Variants in DNM3 observed in about 807,000 individuals in gnomAD.
DNM3 encodes dynamin 3.
DNM3 carries 47 observed loss-of-function variants against 101.6 expected under a neutral mutation model. That is an observed-to-expected ratio of 0.46 (90% confidence interval 0.37 to 0.59). The LOEUF (loss-of-function observed/expected upper bound fraction) is 0.59. Ranked by LOEUF, DNM3 falls within the 20% of genes least tolerant of loss-of-function variation. The pLI is 0.00. For missense variants in DNM3, 849 were observed against 1,085.7 expected, an observed-to-expected ratio of 0.78 and a Z score of 3.06; for synonymous variants, 385 against 387.9, an observed-to-expected ratio of 0.99 and a Z score of 0.09.
At chr1:172,190,011 CTTTT>C (rs61413095) in intron 14 of DNM3, among the ~76,000 whole-genome samples, 1 of 134,438 alleles carries the variant, frequency 7.4e-6, no homozygotes, top group African/African-American at 2.8e-5. Flanking sequence ...AATCACATTT[CTTTT>C]TTTTTTTTTT....
At chr1:172,018,492 G>T (rs935036225) in intron 4 of DNM3, among the ~76,000 whole-genome samples, 1 of 151,984 alleles carries the variant, frequency 6.6e-6, no homozygotes, top group African/African-American at 2.4e-5. Context: ...ACAATTTTTT[G>T]ACTTTATGAT....
At chr1:172,256,370 T>G (rs890942916) in intron 15 of DNM3, among the ~76,000 whole-genome samples, 1 of 152,064 alleles carries the variant, frequency 6.6e-6, no homozygotes, top group Non-Finnish European at 1.5e-5. Flanking sequence ...AACTAGTGAT[T>G]GAATATATTT....
At chr1:171,854,757 G>A (rs377576692) in intron 1 of DNM3, among the ~76,000 whole-genome samples, 3 of 141,248 alleles carry the variant, frequency 2.1e-5, no homozygotes, top group African/African-American at 8.0e-5. Context: ...TTTTTTTTTT[G>A]TGGAGACGGG....
intron 13 of DNM3, among the ~76,000 whole-genome samples, chr1:172,113,502 C>A (rs1182890076): frequency 1.3e-5 from 2 of 151,770 alleles, no homozygotes; most frequent in Non-Finnish European, 2.9e-5. Flanking sequence ...TGCCTGTAAT[C>A]CCAGCTACTT....
At chr1:171,866,730 T>C (rs1005578169) in intron 1 of DNM3, among the ~76,000 whole-genome samples, 1 of 152,204 alleles carries the variant, frequency 6.6e-6, no homozygotes, top group African/African-American at 2.4e-5. Flanking sequence ...ATAGAATGTG[T>C]GTATGTTTTA....
At chr1:172,032,013 ATTTG>A (rs748894471) in intron 4 of DNM3, among the ~76,000 whole-genome samples, 1 of 152,122 alleles carries the variant, frequency 6.6e-6, no homozygotes, top group Non-Finnish European at 1.5e-5. Flanking sequence ...TAACCTATTT[ATTTG>A]TTTATTTGCT....
At chr1:171,922,154 T>TGTGTGTGTGC (rs892285004) in intron 2 of DNM3, among the ~76,000 whole-genome samples, 1 of 68,774 alleles carries the variant, frequency 1.5e-5, no homozygotes, top group African/African-American at 6.0e-5. Context: ...TGTGTGTGTG[T>TGTGTGTGTGC]GCGTATGTGT....
At chr1:171,986,549 C>A (rs2045270416) in intron 2 of DNM3, among the ~76,000 whole-genome samples, 1 of 151,986 alleles carries the variant, frequency 6.6e-6, no homozygotes, top group Non-Finnish European at 1.5e-5. Flanking sequence ...TTGCTATTGA[C>A]CTTGCCATTT....
rs2037337312 is a variant in DNM3 at position 171,892,119 on chromosome 1, C to T, written c.162-29629C>T. Reference sequence around the variant, plus strand: ...TTTGCTCAAACTGTTCCCGTGGGAGCTCTTTCAGTTGGTTCTATGTCCGTT... The same window carrying T: ...TTTGCTCAAACTGTTCCCGTGGGAGTTCTTTCAGTTGGTTCTATGTCCGTT... On this transcript the variant is annotated intron_variant, in intron 1 of 20. Coordinates refer to ENST00000627582, the MANE Select transcript of DNM3 (RefSeq NM_015569.5). Among the ~76,000 whole-genome samples, 6 of 152,186 alleles carry T rather than the reference C, an allele frequency of 3.9e-5. No individual in the cohort carries two copies. In the South Asian group the frequency reaches 1.2e-3, roughly 32 times the overall value.
At chr1:171,913,069 G>A (rs1173653236) in intron 1 of DNM3, among the ~76,000 whole-genome samples, 1 of 152,170 alleles carries the variant, frequency 6.6e-6, no homozygotes, top group Non-Finnish European at 1.5e-5. Context: ...CATGTTTCCT[G>A]GTGGGGAGAA....
chr1:172,097,929 G>C (rs2054357068), intron 13 of DNM3, among the ~76,000 whole-genome samples: 1 of 141,632 alleles, frequency 7.1e-6, no homozygotes, highest in Non-Finnish European at 1.5e-5. Context: ...ATTTTCAAAA[G>C]GGAGGGAGTG....
At chr1:171,872,859 A>G (rs2035424803) in intron 1 of DNM3, among the ~76,000 whole-genome samples, 1 of 152,204 alleles carries the variant, frequency 6.6e-6, no homozygotes, top group African/African-American at 2.4e-5. Context: ...AGAGCAAGAT[A>G]ACAGGTGAAA....
chr1:172,312,760 C>T (rs1230559149), intron 16 of DNM3, among the ~76,000 whole-genome samples: 1 of 152,118 alleles, frequency 6.6e-6, no homozygotes, highest in Non-Finnish European at 1.5e-5. Flanking sequence ...AATAGGAATG[C>T]TAAGCCTAGT....
Position 172,330,982 on chromosome 1 carries a change from G to A in DNM3, c.1893+7642G>A, listed in dbSNP as rs12041310. On this transcript the variant is annotated intron_variant, in intron 17 of 20. Coordinates refer to ENST00000627582, the MANE Select transcript of DNM3 (RefSeq NM_015569.5). The stretch of plus-strand genomic sequence containing the variant: ...ATACAGATTTTGTTACCTCTTTTCC[G>A]TTTACTCTGCCTGTGCAAATATGTT... Among the ~76,000 whole-genome samples the A allele has an allele frequency of 2.0e-3, 298 of 152,118 alleles. 2 individuals are homozygous for A. The highest frequency in any genetic ancestry group is 0.01 in the East Asian group (53 of 5,180).
intron 17 of DNM3, among the ~76,000 whole-genome samples, chr1:172,332,463 C>T (rs1209421014): frequency 2.6e-5 from 4 of 152,118 alleles, no homozygotes; most frequent in African/African-American, 9.7e-5. Flanking sequence ...GTGCATGCTG[C>T]CACATCCGGC....
At chr1:171,966,485 C>T (rs530528405) in intron 2 of DNM3, among the ~76,000 whole-genome samples, 35 of 152,296 alleles carry the variant, frequency 2.3e-4, no homozygotes, top group African/African-American at 8.2e-4. Context: ...CAAAAGACCA[C>T]CAGGATGGCT....
chr1:171,957,199 C>CTTTTTTT (rs377678762), intron 2 of DNM3, among the ~76,000 whole-genome samples: 1 of 138,342 alleles, frequency 7.2e-6, no homozygotes. Flanking sequence ...TTCTTTCTTT[C>CTTTTTTT]TTTTTTTTTT....
At chr1:172,081,761 G>T in intron 11 of DNM3, 71 bp from the exon 12 acceptor site, 2 of 1,208,214 alleles carry the variant, frequency 1.7e-6, no homozygotes. Context: ...TAATTTGTGG[G>T]CAATTACTGA....
intron 4 of DNM3, among the ~76,000 whole-genome samples, chr1:172,019,600 T>G (rs1356576056): frequency 6.6e-6 from 1 of 152,020 alleles, no homozygotes; most frequent in Non-Finnish European, 1.5e-5. Context: ...CTGCATATGT[T>G]AAACCTTTTG....
Sources: allele counts gnomAD v4.1 joint callset (sites outside exome capture counted in the v4.1 genomes callset), GRCh38; gene constraint gnomAD v4.1.1; transcripts MANE v1.5; gene names NCBI Gene and HGNC (gene_info 2026-07-23, HGNC 2026-07-21).